PRPH2: variants seen among roughly 807,000 people sequenced by gnomAD.
PRPH2 encodes peripherin-2.
PRPH2 carries 17 observed loss-of-function variants against 31.3 expected under a neutral mutation model. That is an observed-to-expected ratio of 0.54 (90% CI 0.37 to 0.81). The LOEUF is 0.81. Ranked by LOEUF, PRPH2 falls within the 40% of genes least tolerant of loss-of-function variation. The pLI is 0.00. For synonymous variants in PRPH2, 165 were observed against 184.4 expected, an observed-to-expected ratio of 0.89 and a Z score of 0.85; for missense variants, 430 against 439.7, an observed-to-expected ratio of 0.98 and a Z score of 0.20.
At chr6:42,698,562 AC>A in intron 2 of PRPH2, 55 bp from the exon 3 acceptor site, 1 of 1,606,642 alleles carries the variant, frequency 6.2e-7, no homozygotes, top group Admixed American at 1.7e-5. Context: ...TGGGAGCTGG[AC>A]CATTAGGAAA....
At position 42,698,374 on chromosome 6, in the gene PRPH2, T is replaced by C. The variant is rs1356921668; in HGVS notation, c.962A>G (p.Glu321Gly). Residue 321 changes from glutamate to glycine, a missense_variant, in exon 3 of 3, where the codon GAG becomes GGG. Coordinates refer to ENST00000230381, the MANE Select transcript of PRPH2 (RefSeq NM_000322.5). ...GCCCTTGCCCAGCTTCTTCACACTC[T>C]CCAGAAAGGCCTTCCAGGTCTCCGG... ...SVPETWKAFLESVKKLGKGNQ... is the reference protein window; with the variant it reads ...SVPETWKAFLGSVKKLGKGNQ... 6.2e-7 allele frequency: 1 copy of C among 1,613,834 alleles called. No individual in the cohort carries two copies. The highest frequency in any genetic ancestry group is 1.1e-5 in the South Asian group (1 of 91,080).
intron 1 of PRPH2, among the ~76,000 whole-genome samples, chr6:42,713,533 G>A (rs1761716731): frequency 6.6e-6 from 1 of 152,144 alleles, no homozygotes; most frequent in South Asian, 2.1e-4. Flanking sequence ...CAGAAGCACT[G>A]GAATCCGAAC....
At chr6:42,704,681 C>T in intron 1 of PRPH2, 70 bp from the exon 2 acceptor site, 1 of 1,606,374 alleles carries the variant, frequency 6.2e-7, no homozygotes, top group East Asian at 2.2e-5. Context: ...CCTCCCAACC[C>T]CTGCCTCTGG....
intron 1 of PRPH2, among the ~76,000 whole-genome samples, chr6:42,717,544 G>A (rs1367039107): frequency 6.6e-6 from 1 of 152,084 alleles, no homozygotes. Flanking sequence ...ATTTCTCAGT[G>A]CTTGTGATCT....
At chr6:42,703,005 C>T (rs1014653802) in intron 2 of PRPH2, among the ~76,000 whole-genome samples, 6 of 152,090 alleles carry the variant, frequency 3.9e-5, no homozygotes, top group African/African-American at 1.4e-4. Flanking sequence ...AGCAAGACCC[C>T]ATTTCTACAG....
At chr6:42,710,379 A>C (rs1039914385) in intron 1 of PRPH2, among the ~76,000 whole-genome samples, 1 of 152,198 alleles carries the variant, frequency 6.6e-6, no homozygotes, top group African/African-American at 2.4e-5. Context: ...GGAAAAGGCC[A>C]AGCTTGGTGA....
In PRPH2 at chr6:42,722,255, G is replaced by A. The variant is rs61755766; in HGVS notation, c.80C>T (p.Ser27Phe). 16 of 1,613,996 alleles carry A rather than the reference G, an allele frequency of 9.9e-6. No individual in the cohort carries two copies. The highest frequency in any genetic ancestry group is 1.3e-5 in the African/African-American group (1 of 74,910). ...AQGLWLMNWF[S>F]VLAGIIIFSL... ...GAAGATGATGATGCCAGCCAACACG[G>A]AGAACCAGTTCATGAGCCAGAGCCC... The change falls in exon 1 of 3, where the codon TCC becomes TTC. Residue 27 changes from serine (S) to phenylalanine (F), a missense_variant. Ser to Phe is a radical substitution (Grantham distance 155, BLOSUM62 -2). Transcript: ENST00000230381. The surrounding 1 kb of genome is among the most constrained non-coding windows in gnomAD (Gnocchi z 4.4).
chr6:42,718,906 C>T (rs1241818283), intron 1 of PRPH2, among the ~76,000 whole-genome samples: 1 of 152,070 alleles, frequency 6.6e-6, no homozygotes, highest in Admixed American at 6.5e-5. Context: ...CTCAAGTGAT[C>T]CTCCCACCTC....
rs6928781 is a variant in PRPH2 at position 42,721,673 on chromosome 6, G to A, written c.581+81C>T. 0.34 allele frequency: 512,900 copies of A among 1,517,216 alleles called. 88,371 individuals carry two copies. The highest frequency in any genetic ancestry group is 0.45 in the East Asian group (20,123 of 44,356). 94.0% of individuals were successfully genotyped at this position (1,517,216 alleles called of 1,614,324 possible). On this transcript the variant is annotated intron_variant, in intron 1 of 2. Coordinates refer to ENST00000230381, the MANE Select transcript of PRPH2 (RefSeq NM_000322.5). ...GGAGAGGAAAAGGCACTGGGTGCGGGGAGAGGGGCTGGTCAGAGGCCTGAG... is the reference window on the plus strand; with the variant it reads ...GGAGAGGAAAAGGCACTGGGTGCGGAGAGAGGGGCTGGTCAGAGGCCTGAG...
At chr6:42,705,752 A>C (rs1361619410) in intron 1 of PRPH2, among the ~76,000 whole-genome samples, 1 of 149,712 alleles carries the variant, frequency 6.7e-6, no homozygotes, top group Non-Finnish European at 1.5e-5. Flanking sequence ...CAAGGTCAAG[A>C]GATCGAGACC....
intron 1 of PRPH2, among the ~76,000 whole-genome samples, chr6:42,705,011 TCC>T (rs980050061): frequency 3.9e-5 from 6 of 152,036 alleles, no homozygotes; most frequent in Non-Finnish European, 8.8e-5. Context: ...CAACCTCATC[TCC>T]CCCTTACAGG....
At chr6:42,713,131 A>T (rs2152007880) in intron 1 of PRPH2, among the ~76,000 whole-genome samples, 1 of 152,058 alleles carries the variant, frequency 6.6e-6, no homozygotes, top group African/African-American at 2.4e-5. Flanking sequence ...AGGCTGAGGC[A>T]GGAGAATTGC....
chr6:42,717,765 T>C (rs1761816710), intron 1 of PRPH2, among the ~76,000 whole-genome samples: 1 of 152,136 alleles, frequency 6.6e-6, no homozygotes, highest in Non-Finnish European at 1.5e-5. Context: ...ATAAGGGCTG[T>C]GCTCTGGTCT....
intron 1 of PRPH2, among the ~76,000 whole-genome samples, chr6:42,713,501 G>A (rs914836838): frequency 1.3e-5 from 2 of 152,128 alleles, no homozygotes; most frequent in South Asian, 4.1e-4. Flanking sequence ...GGGCCACCTC[G>A]TTATTATCTG....
intron 1 of PRPH2, among the ~76,000 whole-genome samples, chr6:42,712,893 A>G (rs1164596233): frequency 1.3e-5 from 2 of 152,148 alleles, no homozygotes; most frequent in African/African-American, 2.4e-5. Flanking sequence ...CTATAATAGA[A>G]GTCGGAAATG....
At chr6:42,717,203 AGGAGTTCAAGACCAGCCTGGCCAACATG>A (rs1761804907) in intron 1 of PRPH2, among the ~76,000 whole-genome samples, 1 of 150,784 alleles carries the variant, frequency 6.6e-6, no homozygotes, top group African/African-American at 2.4e-5. Flanking sequence ...ACTTGAGGTT[AGGAGTTCAAGACCAGCCTGGCCAACATG>A]GTGAAACTCA....
In PRPH2 at chr6:42,704,537, G is replaced by A. The variant is rs61755808; in HGVS notation, c.656C>T (p.Pro219Leu). 1.9e-6 allele frequency: 3 copies of A among 1,614,196 alleles called. No individual in the cohort carries two copies. Among genetic ancestry groups the A allele is most frequent in the Non-Finnish European group, 2.5e-6 (3 of 1,180,038 alleles). ...GATCTGATACTGGATGCAGGGCCGT[G>A]GCGAGCTAGGATTGCAGCAGCTGAA... is the stretch of plus-strand genomic sequence containing the variant. ...VPFSCCNPSS[P>L]RPCIQYQITN... The change falls in exon 2 of 3, where the codon CCA (proline) becomes CTA (leucine). Residue 219 changes from proline to leucine, a missense_variant. Transcript: ENST00000230381.
chr6:42,721,972 C>G lies in PRPH2; in HGVS notation c.363G>C (p.Leu121=), dbSNP rs753507738. The change falls in exon 1 of 3, where the codon CTG becomes CTC. Residue 121 remains leucine (L), a synonymous_variant. Transcript: ENST00000230381. ...ILFLVALCCF[L]LRGSLENTLG... is the part of the protein sequence containing the mutation. ...GGGTGTTCTCCAGCGAGCCCCGAAG[C>G]AGAAAGCAGCAGAGAGCCACAAGGA... The G allele has an allele frequency of 1.2e-6, 2 of 1,614,106 alleles. No homozygotes were observed. The highest frequency in any genetic ancestry group is 2.2e-5 in the East Asian group (1 of 44,872).
intron 1 of PRPH2, among the ~76,000 whole-genome samples, chr6:42,712,727 T>A (rs946129234): frequency 4.2e-5 from 6 of 143,326 alleles, no homozygotes; most frequent in Admixed American, 2.1e-4. Context: ...TGTTTTTTCC[T>A]TTTTTTTTTA....
Sources: allele counts gnomAD v4.1 joint callset (sites outside exome capture counted in the v4.1 genomes callset), GRCh38; gene constraint gnomAD v4.1.1; non-coding constraint Gnocchi (gnomAD v3.1); transcripts MANE v1.5; gene names NCBI Gene and HGNC (gene_info 2026-07-23, HGNC 2026-07-21).